Variants in DLGAP2 observed in about 807,000 individuals in gnomAD.
DLGAP2 encodes disks large-associated protein 2.
Under a neutral mutation model 100.3 loss-of-function variants are expected in DLGAP2, and 26 were observed. The ratio of observed to expected loss-of-function variants is 0.26; its 90% confidence interval spans 0.19 to 0.36. The LOEUF is 0.36. Among genes scored for constraint, DLGAP2 ranks in the 10% least tolerant of loss-of-function variants. The pLI is 1.00. For missense variants in DLGAP2, 1,858 were observed against 1,453.2 expected, an observed-to-expected ratio of 1.28 and a Z score of -4.53; for synonymous variants, 886 against 630.1, an observed-to-expected ratio of 1.41 and a Z score of -6.08.
At chr8:890,770 C>T (rs763906238) in intron 1 of DLGAP2, among the ~76,000 whole-genome samples, 8 of 152,216 alleles carry the variant, frequency 5.3e-5, no homozygotes, top group East Asian at 3.9e-4. Context: ...TGTGTGTCTC[C>T]GGCCTCAGCC....
At chr8:1,371,029 G>C (rs188146923) in intron 3 of DLGAP2, among the ~76,000 whole-genome samples, 1 of 152,222 alleles carries the variant, frequency 6.6e-6, no homozygotes, top group Non-Finnish European at 1.5e-5. Context: ...AATACCATTC[G>C]TGTAATATGA....
intron 8 of DLGAP2, among the ~76,000 whole-genome samples, chr8:1,638,863 T>A (rs1424085620): frequency 6.6e-6 from 1 of 152,180 alleles, no homozygotes; most frequent in Non-Finnish European, 1.5e-5. Flanking sequence ...TGCATGCAGA[T>A]CCCAGCGATG....
intron 4 of DLGAP2, among the ~76,000 whole-genome samples, chr8:1,543,383 G>C (rs1270221762): frequency 6.6e-6 from 1 of 152,158 alleles, no homozygotes; most frequent in African/African-American, 2.4e-5. Context: ...GTAAGATGGG[G>C]GTTAAATTCA....
At chr8:1,248,229 C>T (rs112199036) in intron 2 of DLGAP2, among the ~76,000 whole-genome samples, 1 of 38,516 alleles carries the variant, frequency 2.6e-5, no homozygotes. Context: ...TGTCGGTGGC[C>T]GGGAAGACCT....
intron 3 of DLGAP2, among the ~76,000 whole-genome samples, chr8:1,393,039 T>C (rs1183202365): frequency 8.3e-4 from 42 of 50,890 alleles, no homozygotes; most frequent in African/African-American, 3.0e-3. Context: ...GAGTCGTGTA[T>C]TGAGTGCTTA....
chr8:1,080,483 A>G (rs963694930), intron 2 of DLGAP2, among the ~76,000 whole-genome samples: 31 of 152,294 alleles, frequency 2.0e-4, no homozygotes, highest in Non-Finnish European at 3.2e-4. Flanking sequence ...AGCTGCAGGG[A>G]TGCAGAGCTC....
chr8:1,478,645 C>G (rs995114927), intron 3 of DLGAP2, among the ~76,000 whole-genome samples: 2 of 151,994 alleles, frequency 1.3e-5, no homozygotes, highest in African/African-American at 2.4e-5. Flanking sequence ...TTCTCTATTC[C>G]TCTCTCCATT....
intron 2 of DLGAP2, among the ~76,000 whole-genome samples, chr8:1,108,677 G>T: frequency 7.1e-6 from 1 of 141,140 alleles, no homozygotes; most frequent in Non-Finnish European, 1.5e-5. Flanking sequence ...GGTGTGCACG[G>T]GTCTGTGAGG....
intron 3 of DLGAP2, among the ~76,000 whole-genome samples, chr8:1,438,612 G>T (rs553915589): frequency 6.6e-6 from 1 of 152,134 alleles, no homozygotes; most frequent in Admixed American, 6.5e-5. Flanking sequence ...GGAAAGAACC[G>T]AGAACTATTT....
intron 6 of DLGAP2, among the ~76,000 whole-genome samples, chr8:1,593,568 A>G (rs191164975): frequency 2.9e-4 from 44 of 152,252 alleles, no homozygotes; most frequent in African/African-American, 9.9e-4. Context: ...TGCTCGGGAG[A>G]TTCTCTCAAG....
At chr8:989,524 G>C (rs1260259928) in intron 2 of DLGAP2, among the ~76,000 whole-genome samples, 2 of 152,140 alleles carry the variant, frequency 1.3e-5, no homozygotes, top group Non-Finnish European at 2.9e-5. Context: ...CAAAGGCTTT[G>C]GTACCAACTT....
chr8:1,576,495 T>G (rs187997662), intron 6 of DLGAP2, among the ~76,000 whole-genome samples: 9 of 152,300 alleles, frequency 5.9e-5, no homozygotes, highest in South Asian at 2.1e-4. Flanking sequence ...TGTCAATTTT[T>G]GCTTTTGTTG....
chr8:901,938 G>A (rs143973129), intron 1 of DLGAP2, among the ~76,000 whole-genome samples: 11 of 152,354 alleles, frequency 7.2e-5, no homozygotes, highest in African/African-American at 2.6e-4. Flanking sequence ...GGATGGGCAG[G>A]GAGGAAACTG....
chr8:1,036,151 G>C (rs577333826), intron 2 of DLGAP2, among the ~76,000 whole-genome samples: 78 of 147,444 alleles, frequency 5.3e-4, no homozygotes, highest in African/African-American at 1.9e-3. Context: ...GTGTCACCGC[G>C]AGTGGATTCA....
chr8:1,267,003 C>T (rs1410563532), intron 3 of DLGAP2, among the ~76,000 whole-genome samples: 1 of 151,670 alleles, frequency 6.6e-6, no homozygotes, highest in Non-Finnish European at 1.5e-5. Context: ...TCTAGGTGGG[C>T]AGATCACAAG....
chr8:1,525,466 G>C (rs551482976), intron 4 of DLGAP2, among the ~76,000 whole-genome samples: 4 of 152,174 alleles, frequency 2.6e-5, no homozygotes, highest in Non-Finnish European at 5.9e-5. Flanking sequence ...CAGAGTCCCA[G>C]TGTACAATCC....
chr8:1,493,793 A>T (rs1418519960), intron 3 of DLGAP2, among the ~76,000 whole-genome samples: 1 of 150,216 alleles, frequency 6.7e-6, no homozygotes, highest in Non-Finnish European at 1.5e-5. Context: ...TGGGCACGTC[A>T]GGGGTAGATG....
chr8:796,356 C>A (rs1441466674), intron 1 of DLGAP2, among the ~76,000 whole-genome samples: 2 of 152,200 alleles, frequency 1.3e-5, no homozygotes, highest in Non-Finnish European at 2.9e-5. Flanking sequence ...TGTCACGGCC[C>A]CTCCGAGACT....
At chr8:1,641,992 A>AC (rs1396091015) in intron 8 of DLGAP2, among the ~76,000 whole-genome samples, 5 of 38,804 alleles carry the variant, frequency 1.3e-4, no homozygotes, top group African/African-American at 8.7e-4. Context: ...CACCTGTGTC[A>AC]CCCTCGACCC....
Sources: allele counts gnomAD v4.1 joint callset (sites outside exome capture counted in the v4.1 genomes callset), GRCh38; gene constraint gnomAD v4.1.1; transcripts MANE v1.5; gene names NCBI Gene and HGNC (gene_info 2026-07-23, HGNC 2026-07-21).